NRCAM: variants seen among roughly 807,000 people sequenced by gnomAD.
NRCAM encodes the protein neuronal cell adhesion molecule.
In NRCAM, 83 loss-of-function variants were observed where a neutral mutation model predicts 156.5. That is an observed-to-expected ratio of 0.53 (90% CI 0.44 to 0.64). The LOEUF is 0.64. NRCAM is among the 30% of genes least tolerant of loss of function. The probability of loss-of-function intolerance (pLI) is 0.00; values close to 1 mark genes in which losing one functional copy is unlikely to be tolerated. For missense variants in NRCAM, 1,417 were observed against 1,597.3 expected (o/e 0.89, Z 1.92); for synonymous variants, 538 against 563.9 (o/e 0.95, Z 0.65).
chr7:108,395,803 A>G lies in NRCAM; in HGVS notation c.-174+3633T>C, dbSNP rs1014829389. ...TTTGGAATCCAAGCAGAAAGCAGCC[A>G]CCTAATATGGTTGCATTCTGTCCTT... On this transcript the variant is annotated intron_variant, in intron 2 of 32. Transcript: ENST00000379028. 2.0e-5 allele frequency among the ~76,000 whole-genome samples: 3 copies of G among 152,280 alleles called. No homozygotes were observed. The East Asian group carries it at 5.8e-4, about 29-fold the overall frequency.
At chr7:108,455,121 G>T (rs1855267897) in intron 1 of NRCAM, among the ~76,000 whole-genome samples, 2 of 152,170 alleles carry the variant, frequency 1.3e-5, no homozygotes, top group African/African-American at 4.8e-5. Context: ...GGGGCCCGGG[G>T]AGCCCTCCAG....
chr7:108,195,292 G>A (rs1160465693), intron 15 of NRCAM, among the ~76,000 whole-genome samples: 2 of 152,172 alleles, frequency 1.3e-5, no homozygotes, highest in Non-Finnish European at 2.9e-5. Context: ...AGAGCCAGTA[G>A]TTAATAAATA....
At chr7:108,323,967 C>T (rs933492604) in intron 2 of NRCAM, among the ~76,000 whole-genome samples, 1 of 152,026 alleles carries the variant, frequency 6.6e-6, no homozygotes, top group Non-Finnish European at 1.5e-5. Flanking sequence ...ATCTCTTTGC[C>T]TGTCTTAGAA....
At chr7:108,280,369 G>A (rs1217504946) in intron 3 of NRCAM, among the ~76,000 whole-genome samples, 2 of 152,174 alleles carry the variant, frequency 1.3e-5, no homozygotes, top group Non-Finnish European at 2.9e-5. Context: ...ATGCAGTTTT[G>A]ATAAGTAAAT....
intron 3 of NRCAM, among the ~76,000 whole-genome samples, chr7:108,267,643 C>A (rs2097158726): frequency 6.6e-6 from 1 of 152,142 alleles, no homozygotes; most frequent in African/African-American, 2.4e-5. Context: ...TGGAACCCTG[C>A]ATTTAAATTT....
chr7:108,235,610 C>T (rs893316000), intron 5 of NRCAM, among the ~76,000 whole-genome samples: 2 of 152,188 alleles, frequency 1.3e-5, no homozygotes, highest in African/African-American at 2.4e-5. Context: ...ACTGCTTGCA[C>T]AACTCCATGG....
At chr7:108,150,202 GT>G in intron 32 of NRCAM, 55 bp from the exon 33 acceptor site, 1 of 1,432,098 alleles carries the variant, frequency 7.0e-7, no homozygotes, top group Middle Eastern at 1.9e-4. Flanking sequence ...AACATTTTCT[GT>G]TTTTAAAGAC....
In NRCAM at chr7:108,349,065, G is replaced by A. The variant is rs865922753; in HGVS notation, c.-173-36334C>T. 4.5e-4 allele frequency among the ~76,000 whole-genome samples: 68 copies of A among 152,000 alleles called. 1 individual carries two copies. The highest frequency in any genetic ancestry group is 1.4e-3 in the African/African-American group (58 of 41,358). On this transcript the variant is annotated intron_variant, in intron 2 of 32. Transcript: ENST00000379028. ...TATGTACAAAAACCTAAGTATGATC[G>A]ACATTATTTTTCCAAGGATTTCACA...
intron 13 of NRCAM, among the ~76,000 whole-genome samples, chr7:108,205,756 T>C (rs1481127213): frequency 6.6e-6 from 1 of 152,224 alleles, no homozygotes; most frequent in Admixed American, 6.5e-5. Flanking sequence ...AGCTAATTTT[T>C]TGTTGATTTT....
intron 2 of NRCAM, among the ~76,000 whole-genome samples, chr7:108,339,149 A>C (rs1259338507): frequency 6.6e-6 from 1 of 152,220 alleles, no homozygotes; most frequent in Non-Finnish European, 1.5e-5. Flanking sequence ...AAGATTTCCT[A>C]ACAGGAGATT....
rs184025925 is a variant in NRCAM at position 108,444,929 on chromosome 7, A to G, written c.-332+11314T>C. Among the ~76,000 whole-genome samples the G allele has an allele frequency of 3.1e-3, 473 of 152,254 alleles. 2 individuals are homozygous for G. Among genetic ancestry groups the G allele is most frequent in the African/African-American group, 0.011 (438 of 41,528 alleles). On this transcript the variant is annotated intron_variant, in intron 1 of 32. Coordinates refer to ENST00000379028, the MANE Select transcript of NRCAM (RefSeq NM_001037132.4). ...TACAATTTTTAATCTCCATCTCTTC[A>G]CTGAGGTGCAGAGGAACAGAATAAA...
chr7:108,244,353 G>A (rs1039388484), intron 3 of NRCAM, among the ~76,000 whole-genome samples: 1 of 152,142 alleles, frequency 6.6e-6, no homozygotes, highest in Non-Finnish European at 1.5e-5. Context: ...TCGCCTCAGT[G>A]ACTGGATAAC....
At position 108,411,976 on chromosome 7, in the gene NRCAM, T is replaced by C. The variant is rs538374238; in HGVS notation, c.-331-12383A>G. On this transcript the variant is annotated intron_variant, in intron 1 of 32. Transcript: ENST00000379028. ...ACTACAGTAAACAATCTTGTAAATA[T>C]GTTTATGTATACACAGATCCCCCAA... 4.6e-5 allele frequency among the ~76,000 whole-genome samples: 7 copies of C among 152,330 alleles called. No individual in the cohort carries two copies. The South Asian group carries it at 1.2e-3, about 27-fold the overall frequency.
At chr7:108,223,324 T>C (rs1046588619) in intron 11 of NRCAM, among the ~76,000 whole-genome samples, 1 of 152,192 alleles carries the variant, frequency 6.6e-6, no homozygotes, top group Non-Finnish European at 1.5e-5. Flanking sequence ...CAGTAATCAA[T>C]AGCTATTATT....
In NRCAM at chr7:108,168,614, C is replaced by T. The variant is rs372151626; in HGVS notation, c.3188-212G>A. 6.6e-5 allele frequency among the ~76,000 whole-genome samples: 10 copies of T among 152,138 alleles called. 1 individual carries two copies. The highest frequency in any genetic ancestry group is 4.2e-4 in the South Asian group (2 of 4,808). On this transcript the variant is annotated intron_variant, in intron 28 of 32. Transcript: ENST00000379028. ...GGAAATTAATAATCAGAAATAATGACGCATAATATTAAAATTTGTGAGTTC... is the reference window on the plus strand; with the variant it reads ...GGAAATTAATAATCAGAAATAATGATGCATAATATTAAAATTTGTGAGTTC...
intron 2 of NRCAM, among the ~76,000 whole-genome samples, chr7:108,341,048 T>C (rs889965118): frequency 2.6e-5 from 4 of 152,174 alleles, no homozygotes; most frequent in Non-Finnish European, 4.4e-5. Context: ...GCAAATCCAA[T>C]GCCTAATAGG....
At chr7:108,161,901 T>G (rs1426267896) in intron 30 of NRCAM, among the ~76,000 whole-genome samples, 1 of 151,562 alleles carries the variant, frequency 6.6e-6, no homozygotes, top group African/African-American at 2.4e-5. Context: ...TTAGAGAAGT[T>G]TTGAGCTGTA....
At chr7:108,393,814 A>G in intron 2 of NRCAM, among the ~76,000 whole-genome samples, 1 of 152,160 alleles carries the variant, frequency 6.6e-6, no homozygotes, top group Non-Finnish European at 1.5e-5. Context: ...TTATCACAGT[A>G]CTATGAAGAT....
intron 32 of NRCAM, among the ~76,000 whole-genome samples, chr7:108,150,931 C>T (rs1309851529): frequency 1.3e-5 from 2 of 152,076 alleles, no homozygotes; most frequent in African/African-American, 2.4e-5. Flanking sequence ...ATGTGAATGA[C>T]TCCAAACATG....
Sources: gnomAD v4.1 joint callset for allele counts (sites outside exome capture counted in the v4.1 genomes callset) on GRCh38, gnomAD v4.1.1 for gene constraint, MANE v1.5 for transcripts, NCBI Gene and HGNC (gene_info 2026-07-23, HGNC 2026-07-21) for gene names.